PEX7: variants seen among roughly 807,000 people sequenced by gnomAD.
PEX7 encodes the protein peroxisomal biogenesis factor 7.
In PEX7, 34 loss-of-function variants were observed where a neutral mutation model predicts 47.5. The ratio of observed to expected loss-of-function variants is 0.72; its 90% CI spans 0.54 to 0.95. The LOEUF (loss-of-function observed/expected upper bound fraction) is 0.95. Among genes scored for constraint, PEX7 ranks in the 40% least tolerant of loss-of-function variants. The probability of loss-of-function intolerance (pLI) is 0.00; values close to 1 mark genes in which losing one functional copy is unlikely to be tolerated. For synonymous variants in PEX7, 141 were observed against 148.8 expected (o/e 0.95, Z 0.38); for missense variants, 394 against 400.3 (o/e 0.98, Z 0.13).
chr6:136,897,893 A>G (rs558763382), intron 8 of PEX7, among the ~76,000 whole-genome samples: 20 of 152,132 alleles, frequency 1.3e-4, no homozygotes, highest in African/African-American at 4.6e-4. Context: ...AAGGTATACT[A>G]ATGGGAGTAG....
chr6:136,905,435 A>G (rs949199018), intron 9 of PEX7, among the ~76,000 whole-genome samples: 1 of 151,394 alleles, frequency 6.6e-6, no homozygotes, highest in African/African-American at 2.4e-5. Context: ...TTAGTTTCTC[A>G]GAATCTACAC....
intron 5 of PEX7, among the ~76,000 whole-genome samples, chr6:136,862,908 A>AG (rs1264989941): frequency 2.6e-5 from 4 of 152,278 alleles, no homozygotes; most frequent in Non-Finnish European, 4.4e-5. Context: ...TCCTAGAAAA[A>AG]GGGTATTTCT....
chr6:136,832,649 T>C (rs764856423), intron 3 of PEX7, among the ~76,000 whole-genome samples: 1 of 152,238 alleles, frequency 6.6e-6, no homozygotes, highest in Non-Finnish European at 1.5e-5. Context: ...CATGTGACTA[T>C]ACACTTTTAG....
chr6:136,824,219 A>G (rs1242517940), intron 1 of PEX7, among the ~76,000 whole-genome samples: 3 of 152,010 alleles, frequency 2.0e-5, no homozygotes, highest in African/African-American at 4.8e-5. Flanking sequence ...TTTTCTCTTT[A>G]GAGACAGGGT....
intron 9 of PEX7, among the ~76,000 whole-genome samples, chr6:136,909,805 T>C (rs1416246483): frequency 2.0e-5 from 3 of 152,182 alleles, no homozygotes; most frequent in Non-Finnish European, 2.9e-5. Flanking sequence ...TTGGTAGTTA[T>C]TATAAGTCCT....
At chr6:136,834,772 C>T (rs534251366) in intron 3 of PEX7, among the ~76,000 whole-genome samples, 2 of 150,038 alleles carry the variant, frequency 1.3e-5, no homozygotes, top group East Asian at 3.9e-4. Context: ...ACACTGTGGG[C>T]AGAAAACAGG....
At chr6:136,869,091 T>TTTTG (rs1582759408) in intron 6 of PEX7, among the ~76,000 whole-genome samples, 2 of 152,044 alleles carry the variant, frequency 1.3e-5, no homozygotes, top group African/African-American at 4.8e-5. Context: ...TTGAAACCCT[T>TTTTG]TTTGTTTGTT....
At chr6:136,823,626 C>G (rs1308136469) in intron 1 of PEX7, among the ~76,000 whole-genome samples, 1 of 152,066 alleles carries the variant, frequency 6.6e-6, no homozygotes, top group Non-Finnish European at 1.5e-5. Context: ...TGCGGTGGCT[C>G]ACGTCTGTAA....
At chr6:136,842,875 C>T (rs1774526760) in intron 3 of PEX7, among the ~76,000 whole-genome samples, 3 of 152,022 alleles carry the variant, frequency 2.0e-5, no homozygotes, top group African/African-American at 7.2e-5. Context: ...AGGCTTATTT[C>T]GTAAGGGATG....
chr6:136,844,845 A>C (rs888246274), intron 3 of PEX7, among the ~76,000 whole-genome samples: 13 of 152,296 alleles, frequency 8.5e-5, no homozygotes, highest in African/African-American at 2.9e-4. Flanking sequence ...AAGCCCAGAT[A>C]CTCATACTTC....
chr6:136,850,454 C>T (rs990267057), intron 5 of PEX7, among the ~76,000 whole-genome samples: 9 of 152,132 alleles, frequency 5.9e-5, no homozygotes, highest in East Asian at 1.9e-4. Flanking sequence ...TTCCTAGCCT[C>T]GATGGGCTTT....
At chr6:136,907,509 A>G (rs113901378) in intron 9 of PEX7, among the ~76,000 whole-genome samples, 174 of 151,940 alleles carry the variant, frequency 1.1e-3, no homozygotes, top group African/African-American at 4.1e-3. Flanking sequence ...TTCTGTCTGT[A>G]TCTTTCTGCC....
At chr6:136,889,479 A>G (rs1040695795) in intron 8 of PEX7, among the ~76,000 whole-genome samples, 2 of 152,234 alleles carry the variant, frequency 1.3e-5, no homozygotes, top group African/African-American at 4.8e-5. Flanking sequence ...AAAAGGAACA[A>G]GGAATGTTAA....
At chr6:136,824,403 A>C (rs999646122) in intron 1 of PEX7, among the ~76,000 whole-genome samples, 4 of 152,116 alleles carry the variant, frequency 2.6e-5, no homozygotes, top group Non-Finnish European at 5.9e-5. Flanking sequence ...ACAGGGTATC[A>C]CTATGTTGCC....
At chr6:136,836,892 G>A (rs1398649242) in intron 3 of PEX7, among the ~76,000 whole-genome samples, 1 of 152,154 alleles carries the variant, frequency 6.6e-6, no homozygotes, top group African/African-American at 2.4e-5. Context: ...GGCAGAGTTT[G>A]CAGTGAGTGA....
intron 5 of PEX7, among the ~76,000 whole-genome samples, chr6:136,862,121 A>G (rs1416390135): frequency 6.8e-6 from 1 of 146,456 alleles, no homozygotes; most frequent in Non-Finnish European, 1.5e-5. Flanking sequence ...GGCTGGAGTT[A>G]AGGGGCGTGA....
chr6:136,872,438 G>A (rs536834794), intron 8 of PEX7, among the ~76,000 whole-genome samples, 185 bp downstream of exon 8: 1 of 152,096 alleles, frequency 6.6e-6, no homozygotes, highest in African/African-American at 2.4e-5. Flanking sequence ...ACATATATGA[G>A]TAAATTTTTT....
At chr6:136,913,372 A>G in intron 9 of PEX7, 86 bp from the exon 10 acceptor site, 1 of 873,368 alleles carries the variant, frequency 1.1e-6, no homozygotes, top group Non-Finnish European at 2.0e-6. Context: ...GATTTACGAC[A>G]CTCTAAATGA....
chr6:136,909,406 T>C (rs563946478), intron 9 of PEX7, among the ~76,000 whole-genome samples: 1 of 152,282 alleles, frequency 6.6e-6, no homozygotes, highest in African/African-American at 2.4e-5. Context: ...TGCTTTTTAT[T>C]ATGTGAGGGG....
Sources: gnomAD v4.1 joint callset for allele counts (sites outside exome capture counted in the v4.1 genomes callset) on GRCh38, gnomAD v4.1.1 for gene constraint, MANE v1.5 for transcripts, NCBI Gene and HGNC (gene_info 2026-07-23, HGNC 2026-07-21) for gene names.